Variants in GCSAML observed in about 807,000 individuals in gnomAD.
GCSAML encodes the protein germinal center associated signaling and motility like, also known as germinal center-associated signaling and motility-like protein.
In GCSAML, 9 loss-of-function variants were observed where a neutral mutation model predicts 13.0. That is an observed-to-expected ratio of 0.69 (90% CI 0.42 to 1.21). The LOEUF (loss-of-function observed/expected upper bound fraction) is 1.21. GCSAML is among the 50% of genes most tolerant of loss of function. The pLI is 0.00. For missense variants in GCSAML, 143 were observed against 153.4 expected (o/e 0.93, Z 0.36); for synonymous variants, 37 against 52.9 (o/e 0.70, Z 1.31).
At chr1:247,529,649 A>G (rs10925072) in intron 2 of GCSAML, 142,067 of 151,638 alleles carry the variant, frequency 0.94, 67,216 homozygotes, top group East Asian at 1. Flanking sequence ...TTCATTTTAC[A>G]TATCAACTTG....
At chr1:247,550,426 A>G (rs1240440259) in intron 1 of GCSAML, among the ~76,000 whole-genome samples, 1 of 152,162 alleles carries the variant, frequency 6.6e-6, no homozygotes, top group Non-Finnish European at 1.5e-5. Context: ...TCACGAGGTC[A>G]GGAGATCGAG....
At chr1:247,565,900 CTTTCTT>C in intron 3 of GCSAML, 25 bp from the exon 4 acceptor site, 1 of 1,437,208 alleles carries the variant, frequency 7.0e-7, no homozygotes, top group Non-Finnish European at 9.4e-7. Flanking sequence ...GCTTTCCTTT[CTTTCTT>C]TTTTTTTTTT....
At chr1:247,541,255 T>G (rs1462285342) in intron 2 of GCSAML, among the ~76,000 whole-genome samples, 1 of 152,194 alleles carries the variant, frequency 6.6e-6, no homozygotes, top group Admixed American at 6.5e-5. Flanking sequence ...ATGCATTGCT[T>G]ATAATTAATG....
intron 1 of GCSAML, among the ~76,000 whole-genome samples, chr1:247,516,045 A>C (rs1666198924): frequency 6.6e-6 from 1 of 152,192 alleles, no homozygotes; most frequent in Non-Finnish European, 1.5e-5. Context: ...GGTGGACAGC[A>C]AAAATGGCAG....
At chr1:247,507,397 G>A (rs1478727152) in intron 1 of GCSAML, among the ~76,000 whole-genome samples, 1 of 152,130 alleles carries the variant, frequency 6.6e-6, no homozygotes, top group East Asian at 1.9e-4. Flanking sequence ...ATGTTATGAG[G>A]ACATAAATTT....
At chr1:247,568,591 T>C (rs1668477126) in intron 4 of GCSAML, among the ~76,000 whole-genome samples, 3 of 152,186 alleles carry the variant, frequency 2.0e-5, no homozygotes, top group Admixed American at 6.5e-5. Flanking sequence ...TGTAGTATAG[T>C]TTGAAGTCAG....
chr1:247,557,839 T>C (rs2103047822), intron 2 of GCSAML, among the ~76,000 whole-genome samples: 1 of 152,340 alleles, frequency 6.6e-6, no homozygotes, highest in South Asian at 2.1e-4. Flanking sequence ...TATCAGCTGC[T>C]GTGAATCAGT....
At chr1:247,550,619 A>G (rs1487223785) in intron 1 of GCSAML, among the ~76,000 whole-genome samples, 1 of 151,884 alleles carries the variant, frequency 6.6e-6, no homozygotes, top group African/African-American at 2.4e-5. Context: ...CCTGGGCGAC[A>G]GAGCAAGACT....
At chr1:247,567,499 C>T (rs901228725) in intron 4 of GCSAML, among the ~76,000 whole-genome samples, 1 of 152,056 alleles carries the variant, frequency 6.6e-6, no homozygotes. Flanking sequence ...CCTGCAAAGA[C>T]CATAAACTTA....
At chr1:247,556,592 G>A in intron 2 of GCSAML, 126 bp downstream of exon 2, 1 of 613,464 alleles carries the variant, frequency 1.6e-6, no homozygotes, top group South Asian at 2.1e-5. Context: ...GAGTTCTTTG[G>A]TGATTACCTG....
chr1:247,509,168 C>T (rs1169981585), intron 1 of GCSAML, among the ~76,000 whole-genome samples: 4 of 152,078 alleles, frequency 2.6e-5, no homozygotes, highest in Non-Finnish European at 4.4e-5. Context: ...TGTTTGTGTC[C>T]TTTCTGATTT....
At chr1:247,546,946 AAAAAAG>A (rs1460404271), upstream of GCSAML, among the ~76,000 whole-genome samples, 55 of 125,166 alleles carry the variant, frequency 4.4e-4, no homozygotes, top group African/African-American at 2.2e-3. Context: ...AAAAAAAAAA[AAAAAAG>A]ATTAGCCTAG....
intron 2 of GCSAML, among the ~76,000 whole-genome samples, chr1:247,558,782 T>C (rs1189293900): frequency 6.6e-6 from 1 of 152,214 alleles, no homozygotes; most frequent in Non-Finnish European, 1.5e-5. Context: ...CTATGTGTAA[T>C]TGAAGGAAAT....
At position 247,543,556 on chromosome 1, in the gene GCSAML, T is replaced by C. The variant is rs139062281; in HGVS notation, c.-147-5489T>C. Among the ~76,000 whole-genome samples the C allele has an allele frequency of 1.6e-3, 243 of 152,264 alleles. 1 individual carries two copies. Among genetic ancestry groups the C allele is most frequent in the Admixed American group, 2.9e-3 (44 of 15,290 alleles). The stretch of plus-strand genomic sequence containing the variant: ...CCATGGATAAGGCGGAACACTGTAT[T>C]ATAGTAATTATCGTGGACAAAGCAG... On this transcript the variant is annotated intron_variant, in intron 2 of 5. Transcript: ENST00000366489.
At position 247,575,691 on chromosome 1, in the gene GCSAML, G is replaced by A. The variant is rs544786071; in HGVS notation, c.*1309G>A. The stretch of plus-strand genomic sequence containing the variant: ...TCAATTTTCTAGCCAACAGAGAATC[G>A]AAGGATTCTGTTCAAATATTAGTAA... On this transcript the variant is annotated 3_prime_UTR_variant, in exon 5 of 5. Coordinates refer to ENST00000366488, the MANE Select transcript of GCSAML (RefSeq NM_145278.5). The A allele has an allele frequency of 4.5e-4, 69 of 152,188 alleles. 1 individual carries two copies. In the South Asian group the frequency reaches 0.011, roughly 25 times the overall value. 9.4% of individuals were successfully genotyped at this position (152,188 alleles called of 1,614,324 possible).
At chr1:247,515,525 C>T (rs1666181086) in intron 1 of GCSAML, among the ~76,000 whole-genome samples, 2 of 152,208 alleles carry the variant, frequency 1.3e-5, no homozygotes, top group African/African-American at 2.4e-5. Context: ...TGTTCTCGCA[C>T]TGCTAGAAAG....
intron 1 of GCSAML, among the ~76,000 whole-genome samples, chr1:247,553,755 T>A (rs1482382186): frequency 1.3e-5 from 2 of 152,192 alleles, no homozygotes; most frequent in Non-Finnish European, 2.9e-5. Context: ...CCTGCACCAC[T>A]GCACCCAGCT....
chr1:247,564,485 C>A (rs923986247), intron 3 of GCSAML, among the ~76,000 whole-genome samples: 2 of 152,028 alleles, frequency 1.3e-5, no homozygotes, highest in Non-Finnish European at 2.9e-5. Flanking sequence ...AGGGCTCAGC[C>A]CCTGTGGACA....
At chr1:247,544,922 C>T (rs1667518669), upstream of GCSAML, among the ~76,000 whole-genome samples, 1 of 152,090 alleles carries the variant, frequency 6.6e-6, no homozygotes, top group Non-Finnish European at 1.5e-5. Context: ...CAACAAATAA[C>T]CAAGCAATCT....
Sources: allele counts gnomAD v4.1 joint callset (sites outside exome capture counted in the v4.1 genomes callset), GRCh38; gene constraint gnomAD v4.1.1; transcripts MANE v1.5; gene names NCBI Gene and HGNC (gene_info 2026-07-23, HGNC 2026-07-21).